The following CPQ variants were observed in gnomAD, a reference collection of about 807,000 sequenced individuals.
The protein encoded by CPQ is carboxypeptidase Q, also known as Ser-Met dipeptidase.
CPQ carries 37 observed loss-of-function variants against 45.7 expected under a neutral mutation model. That is an observed-to-expected ratio of 0.81 (90% CI 0.62 to 1.07). The LOEUF (loss-of-function observed/expected upper bound fraction) is 1.07, where lower values mean the gene tolerates loss of function less well. CPQ is among the 50% of genes least tolerant of loss of function. The pLI is 0.00. For missense variants in CPQ, 537 were observed against 572.9 expected (o/e 0.94, Z 0.64); for synonymous variants, 186 against 205.8 (o/e 0.90, Z 0.82).
intron 7 of CPQ, among the ~76,000 whole-genome samples, chr8:97,100,995 C>T (rs1180298855): frequency 1.3e-5 from 2 of 151,880 alleles, no homozygotes; most frequent in South Asian, 4.2e-4. Flanking sequence ...AATTGTTATG[C>T]GGGAAGTAAA....
At chr8:96,956,493 G>T (rs980716678) in intron 4 of CPQ, among the ~76,000 whole-genome samples, 17 of 152,072 alleles carry the variant, frequency 1.1e-4, no homozygotes, top group African/African-American at 3.9e-4. Context: ...CTGCAGATGT[G>T]ACATTTGACT....
intron 2 of CPQ, among the ~76,000 whole-genome samples, chr8:96,790,815 A>AT (rs1262375219): frequency 6.6e-6 from 1 of 152,060 alleles, no homozygotes; most frequent in East Asian, 1.9e-4. Context: ...ACATTAAATT[A>AT]TTTTTTAAAT....
intron 4 of CPQ, among the ~76,000 whole-genome samples, chr8:96,896,267 CT>C (rs1224377206): frequency 6.6e-6 from 1 of 152,102 alleles, no homozygotes; most frequent in African/African-American, 2.4e-5. Context: ...TACTATGCCC[CT>C]ATCAACACTC....
chr8:96,714,842 A>G (rs113789531), intron 1 of CPQ, among the ~76,000 whole-genome samples: 3,651 of 151,810 alleles, frequency 0.024, 159 homozygotes, highest in African/African-American at 0.083. Flanking sequence ...ATGCGACTTT[A>G]GTATTTACAG....
At chr8:97,080,848 G>A (rs1163777993) in intron 7 of CPQ, among the ~76,000 whole-genome samples, 1 of 152,124 alleles carries the variant, frequency 6.6e-6, no homozygotes, top group Non-Finnish European at 1.5e-5. Flanking sequence ...AGACCTGAGT[G>A]ATCCGTTGCC....
intron 1 of CPQ, among the ~76,000 whole-genome samples, chr8:96,763,447 T>C (rs1008930829): frequency 6.6e-6 from 1 of 152,308 alleles, no homozygotes; most frequent in South Asian, 2.1e-4. Flanking sequence ...ACTGAACTAT[T>C]TGTCTATCTT....
chr8:96,697,498 A>G (rs1353825224), intron 1 of CPQ, among the ~76,000 whole-genome samples: 2 of 152,164 alleles, frequency 1.3e-5, no homozygotes, highest in African/African-American at 4.8e-5. Context: ...GTTATTCAAC[A>G]GTCCTAGCAA....
At chr8:96,659,957 C>T (rs113372970) in intron 1 of CPQ, among the ~76,000 whole-genome samples, 97 of 152,294 alleles carry the variant, frequency 6.4e-4, no homozygotes, top group Admixed American at 1.9e-3. Flanking sequence ...CATGTTACTT[C>T]CTCTCTCAGA....
intron 1 of CPQ, among the ~76,000 whole-genome samples, chr8:96,669,417 C>G (rs769057488): frequency 1.3e-5 from 2 of 152,182 alleles, no homozygotes; most frequent in Non-Finnish European, 2.9e-5. Context: ...ACTTGTACCT[C>G]TATCTGGCAT....
At chr8:96,736,621 A>G (rs1426978827) in intron 1 of CPQ, among the ~76,000 whole-genome samples, 1 of 152,062 alleles carries the variant, frequency 6.6e-6, no homozygotes, top group Non-Finnish European at 1.5e-5. Context: ...CTTCTTACTG[A>G]TAGGGATGGA....
chr8:96,827,712 G>C (rs1586416718), intron 2 of CPQ, among the ~76,000 whole-genome samples: 2 of 151,936 alleles, frequency 1.3e-5, no homozygotes, highest in East Asian at 3.9e-4. Flanking sequence ...ATATTATTGT[G>C]ATTCCCATTT....
intron 6 of CPQ, among the ~76,000 whole-genome samples, chr8:97,035,037 C>T (rs1338737026): frequency 2.0e-5 from 3 of 151,932 alleles, no homozygotes; most frequent in East Asian, 1.9e-4. Flanking sequence ...AGACTACAGG[C>T]GTGTGCCACC....
intron 4 of CPQ, among the ~76,000 whole-genome samples, chr8:96,936,477 G>A (rs1292430799): frequency 1.3e-5 from 2 of 152,122 alleles, no homozygotes; most frequent in African/African-American, 4.8e-5. Flanking sequence ...AGACAGAGAG[G>A]CCAACATTAA....
intron 4 of CPQ, among the ~76,000 whole-genome samples, chr8:96,908,124 G>GTGTGTGTGTC (rs1554577036): frequency 6.6e-6 from 1 of 151,218 alleles, no homozygotes; most frequent in African/African-American, 2.4e-5. Flanking sequence ...GTGTGTGTGT[G>GTGTGTGTGTC]TGTGTGTGTG....
intron 1 of CPQ, among the ~76,000 whole-genome samples, chr8:96,661,228 C>T (rs1815697949): frequency 6.6e-6 from 1 of 151,932 alleles, no homozygotes; most frequent in African/African-American, 2.4e-5. Context: ...TTTTGAAAAG[C>T]AGTTTTAGAT....
intron 5 of CPQ, among the ~76,000 whole-genome samples, chr8:96,974,760 T>G (rs1165459396): frequency 6.6e-6 from 1 of 152,174 alleles, no homozygotes; most frequent in East Asian, 1.9e-4. Context: ...TGTTCTTGAA[T>G]GATCATTGGG....
intron 7 of CPQ, among the ~76,000 whole-genome samples, chr8:97,131,330 C>A (rs1362269200): frequency 6.6e-6 from 1 of 152,216 alleles, no homozygotes; most frequent in Non-Finnish European, 1.5e-5. Flanking sequence ...GGCTCTCACA[C>A]AGATCAATTT....
chr8:96,746,600 G>A lies in CPQ; in HGVS notation c.-34-38264G>A, dbSNP rs565628017. Among the ~76,000 whole-genome samples the A allele has an allele frequency of 5.3e-5, 8 of 152,298 alleles. No individual in the cohort carries two copies. The East Asian group carries it at 1.5e-3, about 29-fold the overall frequency. On this transcript the variant is annotated intron_variant, in intron 1 of 7. Coordinates refer to ENST00000220763, the MANE Select transcript of CPQ (RefSeq NM_016134.4). ...GCCTTCTTTTAAAGCCCAGCCACAA[G>A]CATTATTTCTTCCCGGAGCTTTCAT...
At chr8:96,779,658 A>G (rs2050877092) in intron 1 of CPQ, among the ~76,000 whole-genome samples, 1 of 151,644 alleles carries the variant, frequency 6.6e-6, no homozygotes, top group Admixed American at 6.6e-5. Context: ...ATGTATTGTG[A>G]AATAGTTAAT....
Sources: gnomAD v4.1 joint callset for allele counts (sites outside exome capture counted in the v4.1 genomes callset) on GRCh38, gnomAD v4.1.1 for gene constraint, MANE v1.5 for transcripts, NCBI Gene and HGNC (gene_info 2026-07-23, HGNC 2026-07-21) for gene names.